NXPH1: variants seen among roughly 807,000 people sequenced by gnomAD.
The protein encoded by NXPH1 is neurexophilin-1.
NXPH1 carries 5 observed loss-of-function variants against 23.7 expected under a neutral mutation model. The ratio of observed to expected loss-of-function variants is 0.21; its 90% CI spans 0.11 to 0.44. The LOEUF (loss-of-function observed/expected upper bound fraction) is 0.44, where lower values mean the gene tolerates loss of function less well. Ranked by LOEUF, NXPH1 falls within the 20% of genes least tolerant of loss-of-function variation. NXPH1 has a pLI of 0.99. For missense variants in NXPH1, 324 were observed against 321.6 expected, an observed-to-expected ratio of 1.01 and a Z score of -0.06; for synonymous variants, 144 against 122.2, an observed-to-expected ratio of 1.18 and a Z score of -1.18.
intron 2 of NXPH1, among the ~76,000 whole-genome samples, chr7:8,725,688 A>T (rs1780039762): frequency 6.6e-6 from 1 of 152,028 alleles, no homozygotes; most frequent in Admixed American, 6.6e-5. Context: ...ACTAGACTTT[A>T]TTTTTTCTTA....
At chr7:8,614,850 C>G (rs1481969415) in intron 2 of NXPH1, among the ~76,000 whole-genome samples, 2 of 151,892 alleles carry the variant, frequency 1.3e-5, no homozygotes, top group Non-Finnish European at 2.9e-5. Flanking sequence ...AGTTATTGTT[C>G]TTATTGAACA....
chr7:8,671,990 T>C (rs1392017416), intron 2 of NXPH1, among the ~76,000 whole-genome samples: 1 of 152,206 alleles, frequency 6.6e-6, no homozygotes, highest in Admixed American at 6.5e-5. Flanking sequence ...TTGTAGATTC[T>C]GGATATTAGC....
At chr7:8,563,819 T>C (rs1237010270) in intron 2 of NXPH1, among the ~76,000 whole-genome samples, 2 of 151,912 alleles carry the variant, frequency 1.3e-5, no homozygotes, top group Non-Finnish European at 2.9e-5. Context: ...ATGCCACTTA[T>C]TGTGGTTAAC....
intron 2 of NXPH1, among the ~76,000 whole-genome samples, chr7:8,561,049 T>C (rs1818434965): frequency 6.6e-6 from 1 of 151,536 alleles, no homozygotes; most frequent in South Asian, 2.1e-4. Context: ...TTTCAAGTAA[T>C]GCAATTCTAA....
intron 2 of NXPH1, among the ~76,000 whole-genome samples, chr7:8,670,594 CT>C (rs1210546065): frequency 3.9e-5 from 6 of 152,200 alleles, no homozygotes; most frequent in Admixed American, 1.3e-4. Flanking sequence ...GAAATTCATC[CT>C]CTACTGTTTT....
intron 2 of NXPH1, among the ~76,000 whole-genome samples, chr7:8,688,524 G>A (rs1158230958): frequency 2.6e-5 from 4 of 152,140 alleles, no homozygotes; most frequent in African/African-American, 7.2e-5. Context: ...AACAGAATTG[G>A]GAAGTACAGT....
At chr7:8,686,275 GTTTC>G (rs1197089298) in intron 2 of NXPH1, among the ~76,000 whole-genome samples, 1 of 151,970 alleles carries the variant, frequency 6.6e-6, no homozygotes, top group African/African-American at 2.4e-5. Flanking sequence ...GTGTTTGGAT[GTTTC>G]TTTCCTTACG....
At chr7:8,522,661 C>T (rs1817792113) in intron 2 of NXPH1, among the ~76,000 whole-genome samples, 2 of 152,120 alleles carry the variant, frequency 1.3e-5, no homozygotes, top group African/African-American at 2.4e-5. Context: ...TTTCCTCCTG[C>T]ATTTCAGAAA....
intron 2 of NXPH1, among the ~76,000 whole-genome samples, chr7:8,595,687 T>C (rs1367850956): frequency 6.6e-6 from 1 of 151,988 alleles, no homozygotes; most frequent in Non-Finnish European, 1.5e-5. Flanking sequence ...ATACTGACTA[T>C]ATTTTAGTTG....
intron 2 of NXPH1, among the ~76,000 whole-genome samples, chr7:8,505,753 G>C (rs1162368129): frequency 6.6e-6 from 1 of 152,048 alleles, no homozygotes; most frequent in Non-Finnish European, 1.5e-5. Flanking sequence ...AACTATGTTA[G>C]GCACATGATG....
intron 2 of NXPH1, among the ~76,000 whole-genome samples, chr7:8,674,722 C>G (rs1820921743): frequency 6.6e-6 from 1 of 152,138 alleles, no homozygotes; most frequent in Admixed American, 6.6e-5. Context: ...ATTAATGAAG[C>G]AGGTTCTTGA....
chr7:8,487,337 A>C (rs1584188568), intron 2 of NXPH1, among the ~76,000 whole-genome samples: 1 of 152,092 alleles, frequency 6.6e-6, no homozygotes, highest in Admixed American at 6.6e-5. Flanking sequence ...AGTCTCACGA[A>C]ATCTGATGGT....
intron 2 of NXPH1, among the ~76,000 whole-genome samples, chr7:8,553,310 A>T (rs981534783): frequency 6.8e-6 from 1 of 146,886 alleles, no homozygotes; most frequent in Admixed American, 6.8e-5. Flanking sequence ...GAAAGTTCCA[A>T]TTTTTTTTTC....
chr7:8,542,163 TAAC>T (rs1818128198), intron 2 of NXPH1, among the ~76,000 whole-genome samples: 1 of 151,428 alleles, frequency 6.6e-6, no homozygotes. Flanking sequence ...ATGTTAACAT[TAAC>T]AAAACAAAGC....
chr7:8,714,254 T>C (rs933073036), intron 2 of NXPH1, among the ~76,000 whole-genome samples: 2 of 152,146 alleles, frequency 1.3e-5, no homozygotes, highest in Admixed American at 1.3e-4. Context: ...AGGCTACCAC[T>C]GGTATTCACT....
chr7:8,466,546 C>G (rs1027340836), intron 2 of NXPH1, among the ~76,000 whole-genome samples: 5 of 152,062 alleles, frequency 3.3e-5, no homozygotes, highest in African/African-American at 1.2e-4. Flanking sequence ...TATTCATGTT[C>G]TTTTTTCTTT....
In NXPH1 at chr7:8,456,357, CTA is replaced by C. The variant is rs772558818; in HGVS notation, c.54+20592_54+20593del. On this transcript the variant is annotated intron_variant, in intron 2 of 2. Coordinates refer to ENST00000405863, the MANE Select transcript of NXPH1 (RefSeq NM_152745.3). ...GAATGCATATTATAATTGTTCATCA[CTA>C]TTTCTTGATTCTAATGTTACAATAA... Among the ~76,000 whole-genome samples, 175 of 152,274 alleles carry C rather than the reference CTA, an allele frequency of 1.1e-3. 1 individual carries two copies. The highest frequency in any genetic ancestry group is 1.9e-3 in the Non-Finnish European group (127 of 68,004).
At chr7:8,740,528 C>A (rs376410119) in intron 2 of NXPH1, among the ~76,000 whole-genome samples, 9 of 152,246 alleles carry the variant, frequency 5.9e-5, no homozygotes, top group African/African-American at 2.2e-4. Context: ...GACCTATGAT[C>A]TCTGACTGCA....
chr7:8,692,655 C>T (rs947632850), intron 2 of NXPH1, among the ~76,000 whole-genome samples: 5 of 152,118 alleles, frequency 3.3e-5, no homozygotes, highest in African/African-American at 1.2e-4. Flanking sequence ...GAAAAGTCTC[C>T]ATAGTTGCCT....
Sources: gnomAD v4.1 joint callset for allele counts (sites outside exome capture counted in the v4.1 genomes callset) on GRCh38, gnomAD v4.1.1 for gene constraint, MANE v1.5 for transcripts, NCBI Gene and HGNC (gene_info 2026-07-23, HGNC 2026-07-21) for gene names.